PLGRKT: variants seen among roughly 807,000 people sequenced by gnomAD.
PLGRKT encodes plasminogen receptor (KT).
A neutral mutation model predicts 18.5 loss-of-function variants in PLGRKT; 22 were observed. That is an observed-to-expected ratio of 1.19 (90% confidence interval 0.85 to 1.70). The LOEUF (loss-of-function observed/expected upper bound fraction) is 1.70, where lower values mean the gene tolerates loss of function less well. PLGRKT is among the 40% of genes most tolerant of loss of function. PLGRKT has a pLI of 0.00. For synonymous variants in PLGRKT, 72 were observed against 52.8 expected (o/e 1.36, Z -1.58); for missense variants, 235 against 174.4 (o/e 1.35, Z -1.96).
intron 3 of PLGRKT, among the ~76,000 whole-genome samples, chr9:5,424,100 A>G (rs1818630903): frequency 1.4e-5 from 2 of 143,622 alleles, no homozygotes; most frequent in South Asian, 4.2e-4. Context: ...TATATATTAT[A>G]TATGTAATAT....
intron 3 of PLGRKT, among the ~76,000 whole-genome samples, chr9:5,374,683 T>C (rs188811593): frequency 2.6e-5 from 4 of 152,342 alleles, no homozygotes; most frequent in African/African-American, 7.2e-5. Flanking sequence ...TGCTAAATAA[T>C]TTTAGGCAAG....
intron 3 of PLGRKT, among the ~76,000 whole-genome samples, chr9:5,430,524 G>A (rs896223445): frequency 6.6e-6 from 1 of 152,208 alleles, no homozygotes; most frequent in African/African-American, 2.4e-5. Flanking sequence ...TTTATGAGGT[G>A]AGAAGCATTT....
intron 3 of PLGRKT, chr9:5,419,039 C>T (rs1267542973): frequency 3.1e-5 from 13 of 421,434 alleles, no homozygotes; most frequent in Admixed American, 1.2e-4. Context: ...CTTCAGAGGC[C>T]GCCGCTCTGC....
At chr9:5,371,722 C>G (rs1032639178) in intron 3 of PLGRKT, among the ~76,000 whole-genome samples, 1 of 152,124 alleles carries the variant, frequency 6.6e-6, no homozygotes, top group Non-Finnish European at 1.5e-5. Flanking sequence ...GTTATTAGCA[C>G]TGTCAACTGA....
chr9:5,408,241 A>T (rs924584667), intron 3 of PLGRKT, among the ~76,000 whole-genome samples: 2 of 152,220 alleles, frequency 1.3e-5, no homozygotes, highest in Non-Finnish European at 2.9e-5. Context: ...GGATCTTCCT[A>T]GAGACTTGCT....
Position 5,397,315 on chromosome 9 carries a change from T to C in PLGRKT, c.81+34582A>G, listed in dbSNP as rs115997533. Among the ~76,000 whole-genome samples the C allele has an allele frequency of 4.7e-3, 720 of 152,074 alleles. 20 individuals carry two copies. Among genetic ancestry groups the C allele is most frequent in the African/African-American group, 0.017 (701 of 41,314 alleles). On this transcript the variant is annotated intron_variant, in intron 3 of 5. Transcript: ENST00000223864. The stretch of plus-strand genomic sequence containing the variant: ...CACTTTATTCACGCTTCTATTCAAA[T>C]ACTTCTTTCCAAAGGCAGCTCTTCC...
chr9:5,431,115 G>A (rs4742092), intron 3 of PLGRKT, among the ~76,000 whole-genome samples: 4 of 151,986 alleles, frequency 2.6e-5, no homozygotes, highest in African/African-American at 2.4e-5. Context: ...ATCTGTTTCC[G>A]TGCCTTTTCC....
chr9:5,404,743 C>T (rs1026840464), intron 3 of PLGRKT, among the ~76,000 whole-genome samples: 3 of 152,176 alleles, frequency 2.0e-5, no homozygotes, highest in African/African-American at 7.2e-5. Flanking sequence ...TCTCTCACCA[C>T]TCCTATTCAA....
At chr9:5,389,442 T>A (rs1484308959) in intron 3 of PLGRKT, among the ~76,000 whole-genome samples, 1 of 151,832 alleles carries the variant, frequency 6.6e-6, no homozygotes, top group Admixed American at 6.6e-5. Context: ...TAGCTGATAG[T>A]GCCAGGTCAG....
intron 3 of PLGRKT, among the ~76,000 whole-genome samples, chr9:5,408,231 G>A (rs184585497): frequency 8.5e-5 from 13 of 152,336 alleles, no homozygotes; most frequent in Admixed American, 5.2e-4. Flanking sequence ...ACGGAAAGTT[G>A]GATCTTCCTA....
intron 3 of PLGRKT, among the ~76,000 whole-genome samples, chr9:5,407,848 C>T (rs372207939): frequency 2.0e-5 from 3 of 152,160 alleles, no homozygotes; most frequent in African/African-American, 7.2e-5. Context: ...AAGCAAAATG[C>T]TATTGCCACT....
At chr9:5,438,350 C>A (rs1043469963), upstream of PLGRKT, among the ~76,000 whole-genome samples, 2 of 152,182 alleles carry the variant, frequency 1.3e-5, no homozygotes, top group Admixed American at 6.5e-5. Flanking sequence ...GAATTGTTGG[C>A]ACTCTGTTCT....
At chr9:5,379,203 A>C (rs1414057735) in intron 3 of PLGRKT, among the ~76,000 whole-genome samples, 1 of 152,226 alleles carries the variant, frequency 6.6e-6, no homozygotes, top group East Asian at 1.9e-4. Context: ...GTTATTCACA[A>C]TATTGTAAAT....
At chr9:5,369,391 T>C (rs1817467407) in intron 3 of PLGRKT, among the ~76,000 whole-genome samples, 1 of 152,222 alleles carries the variant, frequency 6.6e-6, no homozygotes, top group African/African-American at 2.4e-5. Flanking sequence ...CACAATGAGA[T>C]ACCATCTCAT....
At chr9:5,383,428 A>G (rs7038831) in intron 3 of PLGRKT, among the ~76,000 whole-genome samples, 39,923 of 152,150 alleles carry the variant, frequency 0.26, 5,593 homozygotes, top group African/African-American at 0.36. Context: ...GACCAGTTTC[A>G]TGGAAAACAA....
At chr9:5,400,323 G>T (rs892305778) in intron 3 of PLGRKT, among the ~76,000 whole-genome samples, 1 of 151,794 alleles carries the variant, frequency 6.6e-6, no homozygotes, top group Non-Finnish European at 1.5e-5. Flanking sequence ...AAATTGTGGG[G>T]TGCATAACTG....
chr9:5,361,171 T>G lies in PLGRKT; in HGVS notation c.229A>C (p.Lys77Gln), dbSNP rs757773599. Residue 77 changes from lysine (K) to glutamine (Q), a missense_variant, in exon 5 of 6, where the codon AAG (lysine) becomes CAG (glutamine). Physicochemically the swap from Lys to Gln is moderately conservative, Grantham distance 53. Coordinates refer to ENST00000223864, the MANE Select transcript of PLGRKT (RefSeq NM_018465.4). ...SLTAGAIKKK[K>Q]PAFLVPIVPL... ...ACAATCGGGACCAGGAAGGCTGGCT[T>G]CTTTTTTTTAATCGCTCTGTTTCAA... is the stretch of plus-strand genomic sequence containing the variant. The G allele has an allele frequency of 3.1e-6, 5 of 1,604,642 alleles. No homozygotes were observed. In the African/African-American group the frequency reaches 4.0e-5, roughly 13 times the overall value.
intron 3 of PLGRKT, among the ~76,000 whole-genome samples, chr9:5,412,395 A>T (rs1236478197): frequency 6.6e-6 from 1 of 152,240 alleles, no homozygotes; most frequent in Non-Finnish European, 1.5e-5. Flanking sequence ...TGGGAAACTT[A>T]ATCCTTTATC....
At chr9:5,381,033 T>C (rs1324271543) in intron 3 of PLGRKT, among the ~76,000 whole-genome samples, 1 of 152,206 alleles carries the variant, frequency 6.6e-6, no homozygotes, top group Non-Finnish European at 1.5e-5. Flanking sequence ...GTGCGTTGTT[T>C]CTCCTTCACC....
Sources: allele counts gnomAD v4.1 joint callset (sites outside exome capture counted in the v4.1 genomes callset), GRCh38; gene constraint gnomAD v4.1.1; transcripts MANE v1.5; gene names NCBI Gene and HGNC (gene_info 2026-07-23, HGNC 2026-07-21).